The following CDH8 variants were observed in gnomAD, a reference collection of about 807,000 sequenced individuals.
CDH8 encodes cadherin 8, also known as cadherin-8.
CDH8 carries 17 observed loss-of-function variants against 68.1 expected under a neutral mutation model. That is an observed-to-expected ratio of 0.25 (90% CI 0.17 to 0.37). The LOEUF (loss-of-function observed/expected upper bound fraction) is 0.37. CDH8 is among the 10% of genes least tolerant of loss of function. The pLI, the probability that CDH8 is intolerant of heterozygous loss-of-function variation, is 1.00. For synonymous variants in CDH8, 372 were observed against 365.1 expected, an observed-to-expected ratio of 1.02 and a Z score of -0.21; for missense variants, 763 against 999.3, an observed-to-expected ratio of 0.76 and a Z score of 3.19.
chr16:62,034,100 T>A (rs1035104543), intron 1 of CDH8, among the ~76,000 whole-genome samples: 4 of 152,082 alleles, frequency 2.6e-5, no homozygotes, highest in African/African-American at 9.7e-5. Context: ...AAAAAGAATG[T>A]AACCCTAAGA....
chr16:61,989,186 A>G (rs1404435540), intron 2 of CDH8, among the ~76,000 whole-genome samples: 2 of 152,238 alleles, frequency 1.3e-5, no homozygotes, highest in Non-Finnish European at 2.9e-5. Context: ...TAGATAGATG[A>G]AAAATAAAAG....
intron 10 of CDH8, among the ~76,000 whole-genome samples, chr16:61,657,228 A>T (rs1008145218): frequency 1.3e-5 from 2 of 152,120 alleles, no homozygotes; most frequent in South Asian, 4.1e-4. Context: ...GATGACTTCA[A>T]ATAAGTTTTG....
At chr16:61,689,753 C>A (rs1201821918) in intron 10 of CDH8, among the ~76,000 whole-genome samples, 1 of 151,792 alleles carries the variant, frequency 6.6e-6, no homozygotes, top group Admixed American at 6.6e-5. Context: ...ATATTTGGTA[C>A]AAGAAAACAT....
At chr16:61,931,801 T>C (rs1964543751) in intron 2 of CDH8, among the ~76,000 whole-genome samples, 1 of 152,174 alleles carries the variant, frequency 6.6e-6, no homozygotes, top group East Asian at 1.9e-4. Context: ...ACTAAAGGTG[T>C]GGTCCTAGGA....
chr16:62,020,582 C>T (rs983738162), intron 2 of CDH8, among the ~76,000 whole-genome samples: 15 of 152,064 alleles, frequency 9.9e-5, no homozygotes, highest in African/African-American at 7.2e-5. Flanking sequence ...AATGAATGAA[C>T]TAGTTTCCTA....
intron 11 of CDH8, among the ~76,000 whole-genome samples, chr16:61,654,706 T>C (rs771009497): frequency 6.6e-6 from 1 of 152,000 alleles, no homozygotes; most frequent in Admixed American, 6.6e-5. Context: ...ATGGGCCAAA[T>C]CAAATGTGGG....
At chr16:61,839,631 G>A (rs528016992) in intron 4 of CDH8, among the ~76,000 whole-genome samples, 20 of 152,194 alleles carry the variant, frequency 1.3e-4, no homozygotes, top group African/African-American at 4.8e-4. Context: ...GCACCCCACA[G>A]CAGGGAAAGA....
At chr16:61,983,012 A>G (rs1285880246) in intron 2 of CDH8, among the ~76,000 whole-genome samples, 1 of 152,208 alleles carries the variant, frequency 6.6e-6, no homozygotes, top group Non-Finnish European at 1.5e-5. Flanking sequence ...AAAGATTAAT[A>G]CTAAATAATA....
At chr16:61,952,111 G>C (rs911703047) in intron 2 of CDH8, among the ~76,000 whole-genome samples, 1 of 152,050 alleles carries the variant, frequency 6.6e-6, no homozygotes, top group Non-Finnish European at 1.5e-5. Flanking sequence ...CTGTTAAAAC[G>C]TCTTTTTTGA....
At chr16:61,742,356 T>G (rs916817964) in intron 8 of CDH8, among the ~76,000 whole-genome samples, 1 of 152,110 alleles carries the variant, frequency 6.6e-6, no homozygotes, top group African/African-American at 2.4e-5. Flanking sequence ...CGAACCTTAT[T>G]GTATTGACTA....
At chr16:61,684,168 G>A (rs1964061913) in intron 10 of CDH8, among the ~76,000 whole-genome samples, 3 of 151,988 alleles carry the variant, frequency 2.0e-5, no homozygotes, top group Non-Finnish European at 4.4e-5. Flanking sequence ...ATGGTTCTGT[G>A]AGACTAGCAA....
At chr16:62,011,232 C>A (rs1901805229) in intron 2 of CDH8, among the ~76,000 whole-genome samples, 1 of 152,124 alleles carries the variant, frequency 6.6e-6, no homozygotes. Flanking sequence ...CAGAACACAC[C>A]TGCTGCATTG....
intron 7 of CDH8, among the ~76,000 whole-genome samples, chr16:61,809,326 T>C (rs1277182569): frequency 1.3e-5 from 2 of 152,120 alleles, no homozygotes; most frequent in Non-Finnish European, 2.9e-5. Flanking sequence ...GTAAGCTCTT[T>C]AGAAAGAAAA....
In CDH8 at chr16:62,031,695, C is replaced by A. The variant is rs77463541; in HGVS notation, c.-200+4385G>T. Among the ~76,000 whole-genome samples, 1,325 of 151,954 alleles carry A rather than the reference C, an allele frequency of 8.7e-3. 18 individuals are homozygous for A. Among genetic ancestry groups the A allele is most frequent in the African/African-American group, 0.03 (1,231 of 41,416 alleles). ...ACCCACAAACACACACACACACACA[C>A]ACAAGACATCCAAGCAAGAGGATGG... On this transcript the variant is annotated intron_variant, in intron 1 of 11. Coordinates refer to ENST00000577390, the MANE Select transcript of CDH8 (RefSeq NM_001796.5).
intron 2 of CDH8, among the ~76,000 whole-genome samples, chr16:61,971,231 T>G (rs901999520): frequency 1.3e-5 from 2 of 152,152 alleles, no homozygotes; most frequent in Admixed American, 1.3e-4. Flanking sequence ...GCTTTATTGC[T>G]CACACAAAGC....
intron 8 of CDH8, among the ~76,000 whole-genome samples, chr16:61,767,843 A>G (rs544329280): frequency 2.0e-5 from 3 of 151,936 alleles, no homozygotes; most frequent in African/African-American, 7.2e-5. Flanking sequence ...AAAGCTTTGG[A>G]GTGTGGCATA....
intron 7 of CDH8, among the ~76,000 whole-genome samples, chr16:61,814,706 C>G (rs1962034402): frequency 6.6e-6 from 1 of 152,176 alleles, no homozygotes; most frequent in African/African-American, 2.4e-5. Flanking sequence ...CAATAATTCC[C>G]TGAATATCCA....
chr16:61,815,577 G>T (rs114759554), intron 7 of CDH8, among the ~76,000 whole-genome samples: 1 of 152,104 alleles, frequency 6.6e-6, no homozygotes, highest in Non-Finnish European at 1.5e-5. Context: ...TGTAGTCCAT[G>T]TTGGGAGCTT....
rs1963361792 is a variant in CDH8 at position 61,653,135 on chromosome 16, T to C, written c.*473A>G. 2.4e-6 allele frequency: 3 copies of C among 1,239,104 alleles called. No individual in the cohort carries two copies. Among genetic ancestry groups the C allele is most frequent in the Non-Finnish European group, 3.0e-6 (3 of 992,320 alleles). The allele number at this position is 1,239,104 out of a possible 1,614,324, so 76.8% of individuals were successfully genotyped here. A position where few individuals can be genotyped will look rare whatever the true frequency, so the allele number is the denominator to read the frequency against. ...AAGTTATAATGTACAGCAGACCAAG[T>C]ATTGCTTTATCATTTGTGGCGGGAT... On this transcript the variant is annotated 3_prime_UTR_variant, in exon 12 of 12. Transcript: ENST00000577390.
Sources: gnomAD v4.1 joint callset for allele counts (sites outside exome capture counted in the v4.1 genomes callset) on GRCh38, gnomAD v4.1.1 for gene constraint, MANE v1.5 for transcripts, NCBI Gene and HGNC (gene_info 2026-07-23, HGNC 2026-07-21) for gene names.